The following SV2B variants were observed in gnomAD, a reference collection of about 807,000 sequenced individuals.
SV2B encodes solute carrier family 22 member B2.
In SV2B, 41 loss-of-function variants were observed where a neutral mutation model predicts 73.9. The observed-to-expected ratio is 0.56, with a 90% confidence interval of 0.43 to 0.72. The LOEUF (loss-of-function observed/expected upper bound fraction) is 0.72, where lower values mean the gene tolerates loss of function less well. SV2B is among the 30% of genes least tolerant of loss of function. SV2B has a pLI of 0.00. For missense variants in SV2B, 764 were observed against 857.8 expected (o/e 0.89, Z 1.37); for synonymous variants, 314 against 314.2 (o/e 1.00, Z 0.01).
chr15:91,287,528 T>C (rs2048900358), intron 11 of SV2B, among the ~76,000 whole-genome samples: 1 of 152,214 alleles, frequency 6.6e-6, no homozygotes, highest in African/African-American at 2.4e-5. Context: ...TCCTCCGGGC[T>C]GAACTTACTG....
chr15:91,302,289 G>T lies in SV2B; in HGVS notation c.*9737G>T, dbSNP rs1432140238. Among the ~76,000 whole-genome samples, 3 of 152,132 alleles carry T rather than the reference G, an allele frequency of 2.0e-5. No individual in the cohort carries two copies. On this transcript the variant is annotated 3_prime_UTR_variant, in exon 13 of 13. Coordinates refer to ENST00000394232, the MANE Select transcript of SV2B (RefSeq NM_001323032.3). ...ATTCAAATGCGGACTTAACACTGCA[G>T]CTGTAACTCTGGGTCCGGGTCTTGG...
chr15:91,263,888 C>T (rs895531045), intron 6 of SV2B, among the ~76,000 whole-genome samples: 3 of 152,238 alleles, frequency 2.0e-5, no homozygotes, highest in South Asian at 2.1e-4. Context: ...TTCTCCCTTT[C>T]GAATAAAACA....
rs144567315 is a variant in SV2B at position 91,148,694 on chromosome 15, C to T, written c.-392+48331C>T. Among the ~76,000 whole-genome samples, 734 of 152,232 alleles carry T rather than the reference C, an allele frequency of 4.8e-3. 4 individuals carry two copies. Among genetic ancestry groups the T allele is most frequent in the African/African-American group, 0.017 (697 of 41,536 alleles). On this transcript the variant is annotated intron_variant, in intron 1 of 12. Coordinates refer to ENST00000394232, the MANE Select transcript of SV2B (RefSeq NM_001323032.3). ...TGAAGAATTGATTCACATGATTTTG[C>T]AGGCTGAGAAATCCAAGATCTGCAG...
At position 91,125,344 on chromosome 15, in the gene SV2B, G is replaced by A. The variant is rs565421746; in HGVS notation, c.-392+24981G>A. On this transcript the variant is annotated intron_variant, in intron 1 of 12. Transcript: ENST00000394232. ...ACTTGTTGAGTTTCTGTTCTGTGCC[G>A]GGTACTGCACTCATGACGTCACATG... 5.3e-5 allele frequency among the ~76,000 whole-genome samples: 8 copies of A among 152,182 alleles called. No individual in the cohort carries two copies. The East Asian group carries it at 7.7e-4, about 15-fold the overall frequency.
chr15:91,226,060 A>T lies in SV2B; in HGVS notation c.-204A>T. 1 of 587,856 alleles carries T rather than the reference A, an allele frequency of 1.7e-6. No homozygotes were observed. Among genetic ancestry groups the T allele is most frequent in the South Asian group, 2.2e-5 (1 of 44,888 alleles). 36.4% of individuals were successfully genotyped at this position (587,856 alleles called of 1,614,324 possible). ...TCCAACAGACATCGAGTGCAAAAGG[A>T]TATTTAGGTTGTCTTTGCACAAATC... is the stretch of plus-strand genomic sequence containing the variant. On this transcript the variant is annotated 5_prime_UTR_variant, in exon 2 of 13. Transcript: ENST00000394232.
chr15:91,142,187 C>T (rs74038062), intron 1 of SV2B, among the ~76,000 whole-genome samples: 16,797 of 152,178 alleles, frequency 0.11, 1,145 homozygotes, highest in South Asian at 0.22. Flanking sequence ...TGTTGCGTGC[C>T]CACAGCCTTG....
chr15:91,189,588 C>A (rs1336281639), intron 1 of SV2B, among the ~76,000 whole-genome samples: 1 of 152,176 alleles, frequency 6.6e-6, no homozygotes, highest in Non-Finnish European at 1.5e-5. Flanking sequence ...TATCATGTTA[C>A]CATCTCACAC....
At chr15:91,119,412 C>A (rs2042264723) in intron 1 of SV2B, among the ~76,000 whole-genome samples, 1 of 152,140 alleles carries the variant, frequency 6.6e-6, no homozygotes, top group Admixed American at 6.6e-5. Flanking sequence ...AGTGACAAAC[C>A]CCACTCCTGG....
intron 1 of SV2B, among the ~76,000 whole-genome samples, chr15:91,204,290 A>G (rs963252052): frequency 4.6e-5 from 7 of 152,202 alleles, no homozygotes; most frequent in African/African-American, 1.7e-4. Flanking sequence ...ATCCAAATTA[A>G]TTAAAATTTA....
At chr15:91,212,870 G>T (rs2045912751) in intron 1 of SV2B, among the ~76,000 whole-genome samples, 1 of 151,946 alleles carries the variant, frequency 6.6e-6, no homozygotes, top group African/African-American at 2.4e-5. Context: ...GCTGAGCACG[G>T]TGGCTCATGT....
Position 91,294,187 on chromosome 15 carries a change from G to A in SV2B, c.*1635G>A, listed in dbSNP as rs140070160. 7 of 152,262 alleles carry A rather than the reference G, an allele frequency of 4.6e-5. No individual in the cohort carries two copies. Among genetic ancestry groups the A allele is most frequent in the Non-Finnish European group, 8.8e-5 (6 of 68,022 alleles). 9.4% of individuals were successfully genotyped at this position (152,262 alleles called of 1,614,324 possible). A position where few individuals can be genotyped will look rare whatever the true frequency, so the allele number is the denominator to read the frequency against. ...CAAAAATTTAAAACAGAATAATAATGGCTATATCGAGTGTTTTCTCAGTAT... is the reference window on the plus strand; with the variant it reads ...CAAAAATTTAAAACAGAATAATAATAGCTATATCGAGTGTTTTCTCAGTAT... On this transcript the variant is annotated 3_prime_UTR_variant, in exon 13 of 13. Coordinates refer to ENST00000394232, the MANE Select transcript of SV2B (RefSeq NM_001323032.3). The surrounding 1 kb of genome is among the most constrained non-coding windows in gnomAD (Gnocchi z 4.1).
intron 9 of SV2B, among the ~76,000 whole-genome samples, chr15:91,272,726 G>GCACACA (rs373613153): frequency 3.3e-5 from 5 of 150,996 alleles, no homozygotes; most frequent in Non-Finnish European, 7.4e-5. Context: ...GAGGAAGAAA[G>GCACACA]CACACACACA....
At chr15:91,226,825 C>A in intron 2 of SV2B, 111 bp downstream of exon 2, 1 of 1,318,414 alleles carries the variant, frequency 7.6e-7, no homozygotes, top group Non-Finnish European at 1.0e-6. Flanking sequence ...ACCCATTTTG[C>A]TGTGAAGGAA....
chr15:91,200,187 T>C (rs975657697), intron 1 of SV2B, among the ~76,000 whole-genome samples: 2 of 152,260 alleles, frequency 1.3e-5, no homozygotes, highest in Non-Finnish European at 2.9e-5. Flanking sequence ...GGGAATCTGA[T>C]GCTTTAATTT....
rs543756261 is a variant in SV2B, at chr15:91,169,499, CT to C, written c.-391-56373del. Among the ~76,000 whole-genome samples the C allele has an allele frequency of 3.3e-4, 47 of 144,354 alleles. 2 individuals are homozygous for C. In the South Asian group the frequency reaches 0.011, roughly 33 times the overall value. 94.7% of individuals were successfully genotyped at this position (144,354 alleles called of 152,430 possible). A position where few individuals can be genotyped will look rare whatever the true frequency, so the allele number is the denominator to read the frequency against. ...ATATGTACCTGCTTCTCCTTCCTAA[CT>C]GCAGCTGAGCTAGGAGACCCTTTCA... On this transcript the variant is annotated intron_variant, in intron 1 of 12. Coordinates refer to ENST00000394232, the MANE Select transcript of SV2B (RefSeq NM_001323032.3).
chr15:91,237,409 G>T (rs1053495393), intron 2 of SV2B, among the ~76,000 whole-genome samples: 5 of 152,168 alleles, frequency 3.3e-5, no homozygotes, highest in Non-Finnish European at 5.9e-5. Flanking sequence ...AATGTCCCCT[G>T]GGGGGAAAAA....
In SV2B at chr15:91,136,332, G is replaced by C. The variant is rs1016233085; in HGVS notation, c.-392+35969G>C. Among the ~76,000 whole-genome samples, 3 of 152,178 alleles carry C rather than the reference G, an allele frequency of 2.0e-5. No individual in the cohort carries two copies. Among genetic ancestry groups the C allele is most frequent in the African/African-American group, 7.2e-5 (3 of 41,446 alleles). ...CAGGTTGCTGGAAGGTTTGATGTAG[G>C]GTTGATGCATCTGACAGCCAGAATG... On this transcript the variant is annotated intron_variant, in intron 1 of 12. Transcript: ENST00000394232. The surrounding 1 kb of genome is among the most constrained non-coding windows in gnomAD (Gnocchi z 5.6).
Position 91,267,752 on chromosome 15 carries a change from C to A in SV2B, c.1208+109C>A. On this transcript the variant is annotated intron_variant, in intron 8 of 12. Transcript: ENST00000394232. This position sits in a 1 kb window ranked among gnomAD's most constrained non-coding sequence, Gnocchi z 4.3. Reference sequence around the variant, plus strand: ...CTTAGAATTTGTATCAGGTAGGATGCTTTGGTGGCAAGTAGCAGAAAACCA... The same window carrying A: ...CTTAGAATTTGTATCAGGTAGGATGATTTGGTGGCAAGTAGCAGAAAACCA... The A allele has an allele frequency of 1.1e-6, 1 of 923,594 alleles. No individual in the cohort carries two copies. Among genetic ancestry groups the A allele is most frequent in the Non-Finnish European group, 1.7e-6 (1 of 583,188 alleles). 57.2% of individuals were successfully genotyped at this position (923,594 alleles called of 1,614,324 possible).
intron 1 of SV2B, among the ~76,000 whole-genome samples, chr15:91,126,436 T>TA (rs1305332488): frequency 6.6e-6 from 1 of 152,220 alleles, no homozygotes; most frequent in African/African-American, 2.4e-5. Flanking sequence ...CATCTGGAGA[T>TA]AATAGTGGGA....
Sources: gnomAD v4.1 joint callset for allele counts (sites outside exome capture counted in the v4.1 genomes callset) on GRCh38, gnomAD v4.1.1 for gene constraint, Gnocchi (gnomAD v3.1) non-coding constraint, MANE v1.5 for transcripts, NCBI Gene and HGNC (gene_info 2026-07-23, HGNC 2026-07-21) for gene names.